FLT1: variants seen among roughly 807,000 people sequenced by gnomAD.
FLT1 encodes fms related receptor tyrosine kinase 1.
Under a neutral mutation model 156.3 loss-of-function variants are expected in FLT1, and 49 were observed. That is an observed-to-expected ratio of 0.31 (90% CI 0.25 to 0.40). The LOEUF is 0.40. Ranked by LOEUF, FLT1 falls within the 10% of genes least tolerant of loss-of-function variation. The pLI, the probability that FLT1 is intolerant of heterozygous loss-of-function variation, is 1.00. For synonymous variants in FLT1, 594 were observed against 583.8 expected (o/e 1.02, Z -0.25); for missense variants, 1,322 against 1,637.2 (o/e 0.81, Z 3.32).
chr13:28,322,541 A>C lies in FLT1; in HGVS notation c.2954-182T>G. ...TTTTTCCAGGCCTCCAGCCCACTTT[A>C]TCCAAGCATGGGGGCAGGGGGATGA... On this transcript the variant is annotated intron_variant, in intron 21 of 29. Transcript: ENST00000282397. This position sits in a 1 kb window ranked among gnomAD's most constrained non-coding sequence, Gnocchi z 4.3. The C allele has an allele frequency of 1.4e-6, 1 of 722,466 alleles. No homozygotes were observed. Among genetic ancestry groups the C allele is most frequent in the Non-Finnish European group, 2.5e-6 (1 of 403,582 alleles). 44.8% of individuals were successfully genotyped at this position (722,466 alleles called of 1,614,324 possible). A position where few individuals can be genotyped will look rare whatever the true frequency, so the allele number is the denominator to read the frequency against.
chr13:28,491,806 A>T (rs778100238), intron 1 of FLT1, among the ~76,000 whole-genome samples: 4 of 152,244 alleles, frequency 2.6e-5, no homozygotes, highest in African/African-American at 7.2e-5. Flanking sequence ...GGGCCTTAGA[A>T]ATCAACCACC....
intron 17 of FLT1, among the ~76,000 whole-genome samples, chr13:28,338,830 C>G (rs1040117295): frequency 1.3e-5 from 2 of 152,164 alleles, no homozygotes; most frequent in African/African-American, 4.8e-5. Context: ...CTCCGCCGCC[C>G]TTCACTTACC....
At chr13:28,345,403 A>G (rs767364757) in intron 16 of FLT1, 42 bp downstream of exon 16, 2 of 1,258,614 alleles carry the variant, frequency 1.6e-6, no homozygotes, top group Non-Finnish European at 2.3e-6. Context: ...GCTTTTTAGA[A>G]TATATGTAAA....
chr13:28,490,898 G>A (rs552758179), intron 1 of FLT1, among the ~76,000 whole-genome samples: 13 of 152,188 alleles, frequency 8.5e-5, no homozygotes, highest in Non-Finnish European at 1.9e-4. Context: ...AGACACGCCT[G>A]GCCTCTACTA....
chr13:28,331,488 T>C (rs769468674), intron 18 of FLT1, among the ~76,000 whole-genome samples: 17 of 152,366 alleles, frequency 1.1e-4, no homozygotes, highest in Non-Finnish European at 2.2e-4. Context: ...TGGAGTGCAG[T>C]GGCGTGATCT....
At position 28,329,621 on chromosome 13, in the gene FLT1, G is replaced by C. The variant is rs757629826; in HGVS notation, c.2701C>G (p.Gln901Glu). 6.2e-7 allele frequency: 1 copy of C among 1,612,356 alleles called. No individual in the cohort carries two copies. The highest frequency in any genetic ancestry group is 1.7e-5 in the Admixed American group (1 of 60,024). ...CCCTCCCCTTCTCCATTACCTCCTT[G>C]CTTGGTGCAGGCTCCCAGCAGGTTA... Reference protein sequence around the residue: ...VVNLLGACTKQGGPLMVIVEY... With the variant: ...VVNLLGACTKEGGPLMVIVEY... Residue 901 changes from glutamine to glutamate, a missense_variant, in exon 19 of 30, where the codon CAA (glutamine) becomes GAA (glutamate). Physicochemically the swap from Gln to Glu is conservative, Grantham distance 29. Coordinates refer to ENST00000282397, the MANE Select transcript of FLT1 (RefSeq NM_002019.4).
At chr13:28,367,848 C>T (rs762464099) in intron 14 of FLT1, among the ~76,000 whole-genome samples, 5 of 152,156 alleles carry the variant, frequency 3.3e-5, no homozygotes, top group African/African-American at 4.8e-5. Flanking sequence ...AACTAATATT[C>T]GTCATCAAAA....
At chr13:28,376,517 C>G (rs527734057) in intron 14 of FLT1, among the ~76,000 whole-genome samples, 1 of 152,120 alleles carries the variant, frequency 6.6e-6, no homozygotes, top group Non-Finnish European at 1.5e-5. Flanking sequence ...CAAATATTTC[C>G]AGAGAGGGAG....
chr13:28,357,747 T>C, intron 14 of FLT1, 62 bp from the exon 15 acceptor site: 1 of 1,457,280 alleles, frequency 6.9e-7, no homozygotes, highest in Non-Finnish European at 9.6e-7. Context: ...CAGCTACTTC[T>C]GTAACACAGC....
At chr13:28,404,055 AAAGAAAG>A (rs1875633905) in intron 11 of FLT1, among the ~76,000 whole-genome samples, 1 of 150,882 alleles carries the variant, frequency 6.6e-6, no homozygotes, top group South Asian at 2.1e-4. Context: ...AAAAAAAAAA[AAAGAAAG>A]AAAGAAAGAA....
intron 1 of FLT1, among the ~76,000 whole-genome samples, chr13:28,477,004 G>C (rs1218154934): frequency 1.3e-5 from 2 of 152,000 alleles, no homozygotes; most frequent in Non-Finnish European, 2.9e-5. Flanking sequence ...TCCATACATG[G>C]GTCATTGACT....
chr13:28,320,392 G>A (rs370200260), intron 23 of FLT1, among the ~76,000 whole-genome samples: 54 of 152,228 alleles, frequency 3.5e-4, no homozygotes, highest in African/African-American at 9.2e-4. Context: ...AGTGGCTCTC[G>A]AAGTATGGTC....
chr13:28,316,452 T>G (rs1281881701), intron 25 of FLT1, among the ~76,000 whole-genome samples: 1 of 152,106 alleles, frequency 6.6e-6, no homozygotes, highest in Non-Finnish European at 1.5e-5. Flanking sequence ...TCCACAAAAG[T>G]GCAAGTGTCA....
At chr13:28,308,320 G>C (rs769571238) in intron 28 of FLT1, 99 of 197,824 alleles carry the variant, frequency 5.0e-4, no homozygotes, top group Admixed American at 1.3e-3. Flanking sequence ...CAGGGCTTTA[G>C]AGAGAAGAGC....
chr13:28,336,454 T>C (rs1284007520), intron 17 of FLT1, among the ~76,000 whole-genome samples: 1 of 152,230 alleles, frequency 6.6e-6, no homozygotes, highest in Non-Finnish European at 1.5e-5. Context: ...GGAATGCCAC[T>C]AACTAGCTCG....
intron 14 of FLT1, chr13:28,367,967 C>T (rs1342885814): frequency 6.2e-6 from 1 of 161,788 alleles, no homozygotes; most frequent in Non-Finnish European, 1.3e-5. Flanking sequence ...TTTTATACCA[C>T]TCACATTGCA....
intron 7 of FLT1, among the ~76,000 whole-genome samples, chr13:28,430,523 TA>T (rs1877620775): frequency 6.6e-6 from 1 of 152,142 alleles, no homozygotes; most frequent in Non-Finnish European, 1.5e-5. Context: ...CTGTACACCC[TA>T]AAACAACCAA....
intron 15 of FLT1, among the ~76,000 whole-genome samples, chr13:28,351,614 C>T (rs1345703531): frequency 6.6e-6 from 1 of 152,158 alleles, no homozygotes; most frequent in Non-Finnish European, 1.5e-5. Flanking sequence ...TGGAACCACT[C>T]CTAAGGACAG....
chr13:28,444,291 A>T (rs1379729995), intron 3 of FLT1, among the ~76,000 whole-genome samples: 1 of 152,186 alleles, frequency 6.6e-6, no homozygotes, highest in Non-Finnish European at 1.5e-5. Context: ...AAAATACACA[A>T]GTTAGCCAGT....
Sources: gnomAD v4.1 joint callset for allele counts (sites outside exome capture counted in the v4.1 genomes callset) on GRCh38, gnomAD v4.1.1 for gene constraint, Gnocchi (gnomAD v3.1) non-coding constraint, MANE v1.5 for transcripts, NCBI Gene and HGNC (gene_info 2026-07-23, HGNC 2026-07-21) for gene names.